The following ZNF616 variants were observed in gnomAD, a reference collection of about 807,000 sequenced individuals.
ZNF616 encodes the protein zinc finger protein 616.
ZNF616 carries 5 observed loss-of-function variants against 7.6 expected under a neutral mutation model. The ratio of observed to expected loss-of-function variants is 0.66; its 90% CI spans 0.34 to 1.38. ZNF616 has a LOEUF of 1.38. Among genes scored for constraint, ZNF616 ranks in the 40% most tolerant of loss-of-function variants. ZNF616 has a pLI of 0.04. For missense variants in ZNF616, 913 were observed against 948.3 expected, an observed-to-expected ratio of 0.96 and a Z score of 0.49; for synonymous variants, 319 against 317.2, an observed-to-expected ratio of 1.01 and a Z score of -0.06.
intron 2 of ZNF616, among the ~76,000 whole-genome samples, chr19:52,129,789 T>C (rs2088941768): frequency 6.9e-6 from 1 of 144,674 alleles, no homozygotes; most frequent in Non-Finnish European, 1.5e-5. Context: ...TTTCCATATT[T>C]TTTTTTTTTT....
intron 2 of ZNF616, among the ~76,000 whole-genome samples, chr19:52,129,275 G>A (rs759429226): frequency 3.9e-5 from 6 of 151,972 alleles, no homozygotes; most frequent in Admixed American, 1.3e-4. Flanking sequence ...GCGAGACTCC[G>A]TACAAAACAA....
intron 3 of ZNF616, among the ~76,000 whole-genome samples, chr19:52,120,214 G>C (rs1334134663): frequency 6.6e-6 from 1 of 152,222 alleles, no homozygotes; most frequent in Non-Finnish European, 1.5e-5. Flanking sequence ...CTGTAAAGGA[G>C]TCATTTTTCT....
In ZNF616 at chr19:52,115,002, TCAATA is replaced by T. The variant is rs759323620; in HGVS notation, c.2157_2161del (p.Cys719Ter). 1.2e-5 allele frequency: 19 copies of T among 1,614,114 alleles called. No homozygotes were observed. The highest frequency in any genetic ancestry group is 1.6e-5 in the Non-Finnish European group (19 of 1,180,040). On this transcript the variant is annotated stop_gained and frameshift_variant, in exon 4 of 4. Transcript: ENST00000600228. LOFTEE classifies it low-confidence loss of function (END_TRUNC). ...CAACCGCCCAAAGGCTTTGCCACATTCAATACATTTGTATCTTTTCTCTCCAGTGT... is the reference window on the plus strand; with the variant it reads ...CAACCGCCCAAAGGCTTTGCCACATTCATTTGTATCTTTTCTCTCCAGTGT...
At chr19:52,132,648 G>A (rs1039936603) in intron 1 of ZNF616, among the ~76,000 whole-genome samples, 20 of 152,152 alleles carry the variant, frequency 1.3e-4, no homozygotes, top group Non-Finnish European at 2.5e-4. Flanking sequence ...CTCCCGCCAC[G>A]TGAGACGCCT....
chr19:52,127,888 T>G (rs933718722), intron 2 of ZNF616, among the ~76,000 whole-genome samples: 8 of 152,216 alleles, frequency 5.3e-5, no homozygotes, highest in African/African-American at 1.9e-4. Context: ...ACAGAACATG[T>G]ACTGAAGAAT....
intron 3 of ZNF616, among the ~76,000 whole-genome samples, chr19:52,122,786 C>A (rs1003429104): frequency 1.3e-5 from 2 of 151,730 alleles, no homozygotes; most frequent in African/African-American, 2.4e-5. Context: ...AGGCGCCCAC[C>A]GCCACACCCT....
At position 52,116,074 on chromosome 19, in the gene ZNF616, G is replaced by C. The variant is rs537981730; in HGVS notation, c.1090C>G (p.His364Asp). 42 of 1,613,964 alleles carry C rather than the reference G, an allele frequency of 2.6e-5. No individual in the cohort carries two copies. The highest frequency in any genetic ancestry group is 2.5e-5 in the Non-Finnish European group (30 of 1,180,018). Residue 364 changes from histidine to aspartate, a missense_variant, in exon 4 of 4, where the codon CAT becomes GAT. His to Asp is a moderately conservative substitution (Grantham distance 81). Transcript: ENST00000600228. ...KCDVCGKAFRHRSNLVCHRRI... is the reference protein window; with the variant it reads ...KCDVCGKAFRDRSNLVCHRRI... ...CGGTGACATACAAGATTTGATCTAT[G>C]TCTGAATGCCTTGCCACATACATCA...
At chr19:52,138,099 A>C (rs749745505) in intron 1 of ZNF616, among the ~76,000 whole-genome samples, 32 of 152,092 alleles carry the variant, frequency 2.1e-4, no homozygotes, top group Non-Finnish European at 4.3e-4. Flanking sequence ...GAGCCGATAT[A>C]ATTTTACCGC....
intron 1 of ZNF616, among the ~76,000 whole-genome samples, chr19:52,133,191 A>G (rs2088975009): frequency 6.6e-6 from 1 of 152,186 alleles, no homozygotes. Flanking sequence ...ATAAGATTTC[A>G]GCACAGAAGA....
In ZNF616 at chr19:52,139,347, G is replaced by A. The variant is rs955396511; in HGVS notation, c.-77+385C>T. On this transcript the variant is annotated intron_variant, in intron 1 of 3. Transcript: ENST00000600228. This position sits in a 1 kb window ranked among gnomAD's most constrained non-coding sequence, Gnocchi z 4.1. Reference sequence around the variant, plus strand: ...CAGTGGCTGTGAAGGGGCAGCCTGGGGAGGGGAAGGACCCGGCGTGAGGAG... The same window carrying A: ...CAGTGGCTGTGAAGGGGCAGCCTGGAGAGGGGAAGGACCCGGCGTGAGGAG... 6.6e-6 allele frequency among the ~76,000 whole-genome samples: 1 copy of A among 152,176 alleles called. No individual in the cohort carries two copies. The highest frequency in any genetic ancestry group is 2.4e-5 in the African/African-American group (1 of 41,458).
At position 52,115,868 on chromosome 19, in the gene ZNF616, A is replaced by G; in HGVS notation, c.1296T>C (p.Thr432=). 6.2e-7 allele frequency: 1 copy of G among 1,614,172 alleles called. No homozygotes were observed. The highest frequency in any genetic ancestry group is 2.2e-5 in the East Asian group (1 of 44,876). Residue 432 remains threonine (T), a synonymous_variant, in exon 4 of 4, where the codon ACT becomes ACC. Coordinates refer to ENST00000600228, the MANE Select transcript of ZNF616 (RefSeq NM_178523.5). ...SSLAVHQRIH[T]GQKTYKCNKC... ...TATTGCATTTGTAAGTTTTCTGTCC[A>G]GTATGAATTCTCTGATGCACTGCAA...
chr19:52,118,391 A>G (rs8111640), intron 3 of ZNF616, among the ~76,000 whole-genome samples: 112,272 of 152,176 alleles, frequency 0.74, 42,884 homozygotes, highest in East Asian at 0.95. Context: ...TTACAGATAC[A>G]ATGAAGGCTG....
In ZNF616 at chr19:52,115,952, A is replaced by C. The variant is rs775773375; in HGVS notation, c.1212T>G (p.Thr404=). 1.9e-5 allele frequency: 30 copies of C among 1,614,182 alleles called. No homozygotes were observed. In the East Asian group the frequency reaches 6.7e-4, roughly 36 times the overall value. The stretch of plus-strand genomic sequence containing the variant: ...CATTGCATTTGCAAGGTTTCTCTAC[A>C]GTGTGAATTCGTCGATGCACTGCAA... ...SSLAVHRRIH[T]VEKPCKCNEC... The change falls in exon 4 of 4, where the codon ACT becomes ACG. Residue 404 remains threonine (T), a synonymous_variant. Transcript: ENST00000600228.
chr19:52,121,365 G>A (rs1293352440), intron 3 of ZNF616, among the ~76,000 whole-genome samples: 5 of 151,944 alleles, frequency 3.3e-5, no homozygotes, highest in Admixed American at 6.6e-5. Context: ...GAGATCAACA[G>A]CAGAAAAAAA....
chr19:52,117,328 C>G (rs1245668922), intron 3 of ZNF616, among the ~76,000 whole-genome samples: 1 of 152,040 alleles, frequency 6.6e-6, no homozygotes, highest in Non-Finnish European at 1.5e-5. Flanking sequence ...CCAATGACAC[C>G]AAATTACGAA....
chr19:52,133,148 AT>A (rs1432684673), intron 1 of ZNF616, among the ~76,000 whole-genome samples: 5 of 152,186 alleles, frequency 3.3e-5, no homozygotes, highest in Non-Finnish European at 7.4e-5. Context: ...TCAAGAGGGA[AT>A]GGGAGGCAAG....
rs1390104559 is a variant in ZNF616 at position 52,139,611 on chromosome 19, T to C, written c.-77+121A>G. On this transcript the variant is annotated intron_variant, in intron 1 of 3. Transcript: ENST00000600228. This position sits in a 1 kb window ranked among gnomAD's most constrained non-coding sequence, Gnocchi z 4.1. ...CCGAAGCAGGGGTCAATGAGAGTTT[T>C]AAGCAGGAACACGACCTGAATGGGG... 2 of 152,244 alleles carry C rather than the reference T, an allele frequency of 1.3e-5. No individual in the cohort carries two copies. The highest frequency in any genetic ancestry group is 4.8e-5 in the African/African-American group (2 of 41,428). 9.4% of individuals were successfully genotyped at this position (152,244 alleles called of 1,614,324 possible).
intron 2 of ZNF616, among the ~76,000 whole-genome samples, chr19:52,129,418 T>A (rs1169002183): frequency 6.6e-6 from 1 of 152,148 alleles, no homozygotes; most frequent in Non-Finnish European, 1.5e-5. Context: ...TTAAAATAAA[T>A]ATAATATTTA....
chr19:52,122,836 G>A (rs983391157), intron 3 of ZNF616, among the ~76,000 whole-genome samples: 6 of 151,802 alleles, frequency 4.0e-5, no homozygotes, highest in South Asian at 2.1e-4. Context: ...GGTTTTCACC[G>A]TGTTAGCCAG....
Sources: gnomAD v4.1 joint callset for allele counts (sites outside exome capture counted in the v4.1 genomes callset) on GRCh38, gnomAD v4.1.1 for gene constraint, Gnocchi (gnomAD v3.1) non-coding constraint, MANE v1.5 for transcripts, NCBI Gene and HGNC (gene_info 2026-07-23, HGNC 2026-07-21) for gene names.